The following DDI2 variants were observed in gnomAD, a reference collection of about 807,000 sequenced individuals.
DDI2 encodes the protein DDI proteasomal shuttling factor 2, also known as protein DDI1 homolog 2.
A neutral mutation model predicts 48.1 loss-of-function variants in DDI2; 5 were observed. The ratio of observed to expected loss-of-function variants is 0.10; its 90% CI spans 0.05 to 0.22. DDI2 has a LOEUF of 0.22. Among genes scored for constraint, DDI2 ranks in the 10% least tolerant of loss-of-function variants. The probability of loss-of-function intolerance (pLI) is 1.00; values close to 1 mark genes in which losing one functional copy is unlikely to be tolerated. For synonymous variants in DDI2, 205 were observed against 183.6 expected, an observed-to-expected ratio of 1.12 and a Z score of -0.94; for missense variants, 285 against 506.2, an observed-to-expected ratio of 0.56 and a Z score of 4.19.
chr1:15,646,702 A>T (rs1640097812), intron 6 of DDI2, among the ~76,000 whole-genome samples: 1 of 152,168 alleles, frequency 6.6e-6, no homozygotes, highest in African/African-American at 2.4e-5. Context: ...GAAAAAAAAA[A>T]ATGTGTGCCT....
chr1:15,664,852 T>G lies in DDI2; in HGVS notation c.*5062T>G, dbSNP rs910533890. ...AACCAGACAGCAGCTTTACATAGGT[T>G]ATAGATTTTGCTCATTGATGCTGTT... On this transcript the variant is annotated 3_prime_UTR_variant, in exon 10 of 10. Coordinates refer to ENST00000480945, the MANE Select transcript of DDI2 (RefSeq NM_032341.5). The G allele has an allele frequency of 6.6e-6, 1 of 152,224 alleles. No individual in the cohort carries two copies. The highest frequency in any genetic ancestry group is 2.4e-5 in the African/African-American group (1 of 41,452). The allele number at this position is 152,224 out of a possible 1,614,324, so 9.4% of individuals were successfully genotyped here. A position where few individuals can be genotyped will look rare whatever the true frequency, so the allele number is the denominator to read the frequency against.
In DDI2 at chr1:15,617,490, G is replaced by C; in HGVS notation, c.-181G>C. 2.6e-6 allele frequency: 1 copy of C among 391,164 alleles called. No homozygotes were observed. The highest frequency in any genetic ancestry group is 4.3e-6 in the Non-Finnish European group (1 of 233,232). 24.2% of individuals were successfully genotyped at this position (391,164 alleles called of 1,614,324 possible). ...CTCGCAGGCGTGTGGCGGCGGCCGT[G>C]CTTGCTAGTGAGGGCGGGAGGGAGT... On this transcript the variant is annotated 5_prime_UTR_variant, in exon 1 of 10. Coordinates refer to ENST00000480945, the MANE Select transcript of DDI2 (RefSeq NM_032341.5).
rs187811116 is a variant in DDI2 at position 15,620,767 on chromosome 1, C to T, written c.138+2959C>T. 2.6e-5 allele frequency among the ~76,000 whole-genome samples: 4 copies of T among 152,142 alleles called. No homozygotes were observed. The East Asian group carries it at 5.8e-4, about 22-fold the overall frequency. ...ATGTGCATATAATACACATAACGTG[C>T]ATTATATGCATATATAATATGTTAT... On this transcript the variant is annotated intron_variant, in intron 1 of 9. Coordinates refer to ENST00000480945, the MANE Select transcript of DDI2 (RefSeq NM_032341.5).
chr1:15,661,384 C>T lies in DDI2; in HGVS notation c.*1594C>T. The stretch of plus-strand genomic sequence containing the variant: ...AGCAGGTGAGGAGGATGCACTCAAT[C>T]AGACTTCTGAGCAAACTAAGTCTTT... On this transcript the variant is annotated 3_prime_UTR_variant, in exon 10 of 10. Transcript: ENST00000480945. 4 of 1,614,214 alleles carry T rather than the reference C, an allele frequency of 2.5e-6. No homozygotes were observed. Among genetic ancestry groups the T allele is most frequent in the Non-Finnish European group, 3.4e-6 (4 of 1,180,044 alleles).
intron 6 of DDI2, among the ~76,000 whole-genome samples, chr1:15,646,750 G>T (rs566094227): frequency 5.3e-5 from 8 of 152,170 alleles, no homozygotes; most frequent in African/African-American, 1.9e-4. Context: ...AATGTTTTAG[G>T]AGTAAATGTA....
rs770178473 is a variant in DDI2, at chr1:15,623,848, T to C, written c.139-2821T>C. Reference sequence around the variant, plus strand: ...GGCCAAGGCGGGCAGATCACAAGGTTAGGAGATCGAGACCATCCTGGCTAA... The same window carrying C: ...GGCCAAGGCGGGCAGATCACAAGGTCAGGAGATCGAGACCATCCTGGCTAA... On this transcript the variant is annotated intron_variant, in intron 1 of 9. Coordinates refer to ENST00000480945, the MANE Select transcript of DDI2 (RefSeq NM_032341.5). 3.9e-5 allele frequency among the ~76,000 whole-genome samples: 6 copies of C among 151,976 alleles called. No individual in the cohort carries two copies. The South Asian group carries it at 1.2e-3, about 32-fold the overall frequency.
chr1:15,626,931 G>A (rs546871393), intron 2 of DDI2, 133 bp downstream of exon 2: 7 of 1,134,964 alleles, frequency 6.2e-6, no homozygotes, highest in Admixed American at 5.4e-5. Flanking sequence ...TTTCCCTGCC[G>A]TGTAACCTTG....
chr1:15,648,830 G>A (rs1570985191), intron 6 of DDI2, among the ~76,000 whole-genome samples: 1 of 83,620 alleles, frequency 1.2e-5, no homozygotes, highest in Non-Finnish European at 2.2e-5. Flanking sequence ...AGCAGACCCT[G>A]TCTCAAAAAA....
chr1:15,653,951 T>C (rs1640232599), intron 8 of DDI2, among the ~76,000 whole-genome samples: 1 of 152,236 alleles, frequency 6.6e-6, no homozygotes, highest in African/African-American at 2.4e-5. Flanking sequence ...ATGATGGAGC[T>C]AAGTTTTCTA....
chr1:15,617,575 C>T lies in DDI2; in HGVS notation c.-96C>T. On this transcript the variant is annotated 5_prime_UTR_variant, in exon 1 of 10. Coordinates refer to ENST00000480945, the MANE Select transcript of DDI2 (RefSeq NM_032341.5). ...GAGCGAACGAGCAGCCGGCGCCGTC[C>T]TCCCGCAGCACCAGCCAGGCCACGC... 6 of 1,092,550 alleles carry T rather than the reference C, an allele frequency of 5.5e-6. No homozygotes were observed. Among genetic ancestry groups the T allele is most frequent in the Non-Finnish European group, 7.0e-6 (6 of 857,718 alleles). The allele number at this position is 1,092,550 out of a possible 1,614,324, so 67.7% of individuals were successfully genotyped here.
chr1:15,639,657 T>C (rs1429254159), intron 5 of DDI2, among the ~76,000 whole-genome samples: 2 of 152,012 alleles, frequency 1.3e-5, no homozygotes, highest in Non-Finnish European at 2.9e-5. Flanking sequence ...AGAGACAGGG[T>C]TCCCCTGTAT....
At chr1:15,638,520 G>A (rs1179238260) in intron 5 of DDI2, 86 bp downstream of exon 5, 1 of 1,050,078 alleles carries the variant, frequency 9.5e-7, no homozygotes, top group South Asian at 1.5e-5. Context: ...CATCCGTTCA[G>A]ATGGCTGTAC....
chr1:15,621,720 C>A (rs1639670540), intron 1 of DDI2, among the ~76,000 whole-genome samples: 1 of 152,074 alleles, frequency 6.6e-6, no homozygotes, highest in Admixed American at 6.6e-5. Flanking sequence ...CATAATATAC[C>A]ATCATATAGA....
chr1:15,625,903 C>A (rs1331963056), intron 1 of DDI2, among the ~76,000 whole-genome samples: 1 of 152,222 alleles, frequency 6.6e-6, no homozygotes, highest in African/African-American at 2.4e-5. Flanking sequence ...AGGCGTGAGC[C>A]AGCGTGCCCG....
chr1:15,648,691 C>T (rs770261876), intron 6 of DDI2, among the ~76,000 whole-genome samples: 4 of 151,862 alleles, frequency 2.6e-5, no homozygotes, highest in Non-Finnish European at 4.4e-5. Context: ...AAGAGGTATC[C>T]ATGGGGAGAA....
chr1:15,665,206 G>A lies in DDI2; in HGVS notation c.*5416G>A, dbSNP rs1234693973. 2 of 149,560 alleles carry A rather than the reference G, an allele frequency of 1.3e-5. No homozygotes were observed. The highest frequency in any genetic ancestry group is 2.1e-4 in the South Asian group (1 of 4,786). 9.3% of individuals were successfully genotyped at this position (149,560 alleles called of 1,614,324 possible). Reference sequence around the variant, plus strand: ...AAACCTGGGAGGCGGAGGTTGTGGTGAGCAGAGATCACGCCATTGCACTCC... The same window carrying A: ...AAACCTGGGAGGCGGAGGTTGTGGTAAGCAGAGATCACGCCATTGCACTCC... On this transcript the variant is annotated 3_prime_UTR_variant, in exon 10 of 10. Transcript: ENST00000480945.
At chr1:15,649,201 T>C (rs2103476474) in intron 6 of DDI2, among the ~76,000 whole-genome samples, 1 of 151,930 alleles carries the variant, frequency 6.6e-6, no homozygotes, top group South Asian at 2.1e-4. Context: ...CTGTCTCTAC[T>C]AAAAATGTAA....
chr1:15,633,717 C>G, intron 4 of DDI2, 152 bp downstream of exon 4: 1 of 1,121,646 alleles, frequency 8.9e-7, no homozygotes, highest in Non-Finnish European at 1.3e-6. Context: ...AGTCTCTCCT[C>G]TTTCATTTTC....
chr1:15,626,989 G>A (rs1172738443), intron 2 of DDI2, 191 bp downstream of exon 2: 1 of 694,708 alleles, frequency 1.4e-6, no homozygotes, highest in Non-Finnish European at 2.3e-6. Context: ...CTATAAGTTA[G>A]GTGCCATAAT....
Sources: allele counts gnomAD v4.1 joint callset (sites outside exome capture counted in the v4.1 genomes callset), GRCh38; gene constraint gnomAD v4.1.1; transcripts MANE v1.5; gene names NCBI Gene and HGNC (gene_info 2026-07-23, HGNC 2026-07-21).